EPDR1: variants seen among roughly 807,000 people sequenced by gnomAD.
EPDR1 encodes the protein mammalian ependymin-related protein 1.
A neutral mutation model predicts 23.7 loss-of-function variants in EPDR1; 27 were observed. The observed-to-expected ratio is 1.14, with a 90% CI of 0.84 to 1.57. The LOEUF (loss-of-function observed/expected upper bound fraction) is 1.57, where lower values mean the gene tolerates loss of function less well. Among genes scored for constraint, EPDR1 ranks in the 40% most tolerant of loss-of-function variants. The probability of loss-of-function intolerance (pLI) is 0.00; values close to 1 mark genes in which losing one functional copy is unlikely to be tolerated. For missense variants in EPDR1, 349 were observed against 290.4 expected (o/e 1.20, Z -1.47); for synonymous variants, 137 against 118.2 (o/e 1.16, Z -1.03).
intron 1 of EPDR1, among the ~76,000 whole-genome samples, chr7:37,933,976 CTT>C (rs576903776): frequency 5.1e-4 from 68 of 133,304 alleles, no homozygotes; most frequent in Non-Finnish European, 6.0e-4. Flanking sequence ...TTCTGCCATT[CTT>C]TTTTTTTTTT....
chr7:37,933,510 A>G (rs1380135851), intron 1 of EPDR1, among the ~76,000 whole-genome samples: 1 of 152,188 alleles, frequency 6.6e-6, no homozygotes, highest in Non-Finnish European at 1.5e-5. Flanking sequence ...TCATCTGTTA[A>G]AAAAATAAAA....
chr7:37,922,998 C>G (rs1279880411), intron 1 of EPDR1, among the ~76,000 whole-genome samples: 1 of 152,256 alleles, frequency 6.6e-6, no homozygotes, highest in East Asian at 1.9e-4. Context: ...TGTATCCATG[C>G]CTGGTATGTG....
intron 1 of EPDR1, among the ~76,000 whole-genome samples, chr7:37,924,729 G>A (rs916586037): frequency 1.3e-5 from 2 of 152,184 alleles, no homozygotes; most frequent in Admixed American, 6.5e-5. Flanking sequence ...AGTCAGATGT[G>A]GAAAAGAATG....
At chr7:37,946,194 G>A (rs1395512834) in intron 1 of EPDR1, among the ~76,000 whole-genome samples, 1 of 152,144 alleles carries the variant, frequency 6.6e-6, no homozygotes, top group Non-Finnish European at 1.5e-5. Context: ...AATGAACACA[G>A]GTATGCATGT....
chr7:37,943,517 G>A (rs960000420), intron 1 of EPDR1, among the ~76,000 whole-genome samples: 5 of 152,250 alleles, frequency 3.3e-5, no homozygotes, highest in Non-Finnish European at 5.9e-5. Context: ...AAACACACAC[G>A]CCACTACAGT....
chr7:37,933,532 A>G (rs1785986026), intron 1 of EPDR1, among the ~76,000 whole-genome samples: 1 of 152,174 alleles, frequency 6.6e-6, no homozygotes. Context: ...TGCTAATAAC[A>G]TGTTCAACCA....
At chr7:37,923,398 C>T (rs983007760) in intron 1 of EPDR1, among the ~76,000 whole-genome samples, 6 of 151,776 alleles carry the variant, frequency 4.0e-5, no homozygotes, top group South Asian at 2.1e-4. Context: ...GAGAGGAAAA[C>T]GTTAAAGAGG....
intron 1 of EPDR1, among the ~76,000 whole-genome samples, chr7:37,926,038 C>T (rs1785802719): frequency 6.6e-6 from 1 of 152,194 alleles, no homozygotes; most frequent in East Asian, 1.9e-4. Flanking sequence ...CTGCACTCAA[C>T]TGAGCCTCCC....
At chr7:37,927,046 A>G (rs1302083216) in intron 1 of EPDR1, among the ~76,000 whole-genome samples, 3 of 152,194 alleles carry the variant, frequency 2.0e-5, no homozygotes, top group Non-Finnish European at 2.9e-5. Context: ...GCACAGCAAG[A>G]TATTTCAAGA....
At position 37,920,858 on chromosome 7, in the gene EPDR1, C is replaced by G. The variant is rs748901466; in HGVS notation, c.-82C>G. Reference sequence around the variant, plus strand: ...ACTCCCGGCACAGTGCGGAAAGAGCCGGCGGGAGCCACTCTGATCCCGGAC... The same window carrying G: ...ACTCCCGGCACAGTGCGGAAAGAGCGGGCGGGAGCCACTCTGATCCCGGAC... On this transcript the variant is annotated 5_prime_UTR_variant, in exon 1 of 3. Transcript: ENST00000199448. The G allele has an allele frequency of 3.7e-5, 59 of 1,610,194 alleles. No individual in the cohort carries two copies. The highest frequency in any genetic ancestry group is 4.9e-5 in the Non-Finnish European group (58 of 1,178,798).
chr7:37,941,357 G>A (rs752319037), intron 1 of EPDR1, among the ~76,000 whole-genome samples: 2 of 152,166 alleles, frequency 1.3e-5, no homozygotes, highest in Non-Finnish European at 2.9e-5. Context: ...ATTGCAAAAG[G>A]AAACACTTTT....
At chr7:37,923,266 G>C (rs1312558617) in intron 1 of EPDR1, among the ~76,000 whole-genome samples, 3 of 152,222 alleles carry the variant, frequency 2.0e-5, no homozygotes, top group Non-Finnish European at 4.4e-5. Context: ...GTCCAGGTGA[G>C]AGATGGGTAG....
intron 1 of EPDR1, among the ~76,000 whole-genome samples, chr7:37,923,170 A>C (rs1454881383): frequency 1.3e-5 from 2 of 152,204 alleles, no homozygotes; most frequent in Non-Finnish European, 2.9e-5. Flanking sequence ...TGTCCTTAAG[A>C]ATGCATTCCC....
In EPDR1 at chr7:37,951,901, A is replaced by G. The variant is rs1786415493; in HGVS notation, c.*1505A>G. On this transcript the variant is annotated 3_prime_UTR_variant, in exon 3 of 3. Coordinates refer to ENST00000199448, the MANE Select transcript of EPDR1 (RefSeq NM_017549.5). Reference sequence around the variant, plus strand: ...TCTTGGTTATAAGGGAGTTAAAACAATGCTGTAATAAATAAAGTGCTTCAT... The same window carrying G: ...TCTTGGTTATAAGGGAGTTAAAACAGTGCTGTAATAAATAAAGTGCTTCAT... The G allele has an allele frequency of 6.6e-6, 1 of 152,218 alleles. No individual in the cohort carries two copies. Among genetic ancestry groups the G allele is most frequent in the Non-Finnish European group, 1.5e-5 (1 of 68,040 alleles). 9.4% of individuals were successfully genotyped at this position (152,218 alleles called of 1,614,324 possible).
intron 1 of EPDR1, among the ~76,000 whole-genome samples, chr7:37,931,698 G>A (rs1487009451): frequency 6.6e-6 from 1 of 151,556 alleles, no homozygotes; most frequent in African/African-American, 2.4e-5. Context: ...ACTTTGTTTT[G>A]TTTTTGTTTT....
chr7:37,949,143 C>T (rs919443699), intron 2 of EPDR1, 95 bp downstream of exon 2: 49 of 1,256,614 alleles, frequency 3.9e-5, no homozygotes, highest in South Asian at 2.6e-4. Context: ...GGGAAACATC[C>T]GCTTAATCAA....
intron 1 of EPDR1, 113 bp from the exon 2 acceptor site, chr7:37,948,727 T>C: frequency 1.3e-6 from 1 of 746,664 alleles, no homozygotes; most frequent in Non-Finnish European, 2.2e-6. Flanking sequence ...ATTGCCTAGC[T>C]AGTAATTTCT....
intron 1 of EPDR1, among the ~76,000 whole-genome samples, chr7:37,929,441 C>T (rs1002161500): frequency 2.0e-5 from 3 of 152,150 alleles, no homozygotes; most frequent in African/African-American, 4.8e-5. Flanking sequence ...TCGGAGAAGG[C>T]GATTCCCAAG....
At chr7:37,925,798 A>G (rs890371842) in intron 1 of EPDR1, among the ~76,000 whole-genome samples, 5 of 152,234 alleles carry the variant, frequency 3.3e-5, no homozygotes, top group African/African-American at 1.2e-4. Context: ...ATAGTATTAA[A>G]TGATATCCTG....
Sources: allele counts gnomAD v4.1 joint callset (sites outside exome capture counted in the v4.1 genomes callset), GRCh38; gene constraint gnomAD v4.1.1; transcripts MANE v1.5; gene names NCBI Gene and HGNC (gene_info 2026-07-23, HGNC 2026-07-21).